The following GJA8 variants were observed in gnomAD, a reference collection of about 807,000 sequenced individuals.
The protein encoded by GJA8 is gap junction protein alpha 8.
A neutral mutation model predicts 15.3 loss-of-function variants in GJA8; 13 were observed. The observed-to-expected ratio is 0.85, with a 90% confidence interval of 0.55 to 1.35. The LOEUF (loss-of-function observed/expected upper bound fraction) is 1.35, where lower values mean the gene tolerates loss of function less well. Ranked by LOEUF, GJA8 falls within the 40% of genes most tolerant of loss-of-function variation. The pLI, the probability that GJA8 is intolerant of heterozygous loss-of-function variation, is 0.00. For missense variants in GJA8, 607 were observed against 553.3 expected, an observed-to-expected ratio of 1.10 and a Z score of -0.97; for synonymous variants, 304 against 238.7, an observed-to-expected ratio of 1.27 and a Z score of -2.52.
At chr1:147,913,160 C>T (rs1201327591), downstream of GJA8, among the ~76,000 whole-genome samples, 1 of 152,162 alleles carries the variant, frequency 6.6e-6, no homozygotes, top group African/African-American at 2.4e-5. Context: ...ATGATAAGTT[C>T]TGCCCCTCCT....
intron 1 of GJA8, among the ~76,000 whole-genome samples, chr1:147,903,613 T>C (rs1238102004): frequency 6.6e-6 from 1 of 152,160 alleles, no homozygotes; most frequent in African/African-American, 2.4e-5. Context: ...TAAGCCCCCA[T>C]CTTGGAGACT....
chr1:147,909,925 T>A (rs782578911), downstream of GJA8, among the ~76,000 whole-genome samples: 1 of 152,168 alleles, frequency 6.6e-6, no homozygotes, highest in African/African-American at 2.4e-5. Context: ...AGTGGCACAA[T>A]CTCAGCTCAC....
downstream of GJA8, among the ~76,000 whole-genome samples, chr1:147,909,469 C>T (rs1553243156): frequency 6.6e-6 from 1 of 152,118 alleles, no homozygotes; most frequent in African/African-American, 2.4e-5. Flanking sequence ...ACCCATCGAC[C>T]CACTAAAGTT....
At chr1:147,909,408 A>G (rs1652005005), downstream of GJA8, 22 of 678,400 alleles carry the variant, frequency 3.2e-5, no homozygotes, top group South Asian at 2.7e-4. Flanking sequence ...CACTCCAGGC[A>G]ACTCTAGGAA....
downstream of GJA8, among the ~76,000 whole-genome samples, chr1:147,913,200 C>A (rs1395193438): frequency 3.3e-5 from 5 of 152,186 alleles, no homozygotes; most frequent in African/African-American, 1.2e-4. Flanking sequence ...TTTTTTAAAG[C>A]TCACTAATTT....
At chr1:147,912,775 T>C (rs1652219890), downstream of GJA8, among the ~76,000 whole-genome samples, 1 of 151,754 alleles carries the variant, frequency 6.6e-6, no homozygotes. Context: ...AATCACTTGA[T>C]AGCAGTTCTA....
chr1:147,906,315 G>T (rs1435200867), intron 1 of GJA8, among the ~76,000 whole-genome samples: 3 of 152,194 alleles, frequency 2.0e-5, no homozygotes, highest in African/African-American at 7.2e-5. Context: ...GTTCTCCATT[G>T]AGGTGGAAGT....
rs782367110 is a variant in GJA8, at chr1:147,909,184, C to T, written c.1229C>T (p.Thr410Ile). The stretch of plus-strand genomic sequence containing the variant: ...CCTTCACTCTGTCCAGAGCTGACAA[C>T]AGATGATGCCAGACCCCTGAGCAGG... ...KTPSLCPELTTDDARPLSRLS... is the reference protein window; with the variant it reads ...KTPSLCPELTIDDARPLSRLS... The change falls in exon 2 of 2, where the codon ACA becomes ATA. Residue 410 changes from threonine (T) to isoleucine (I), a missense_variant. Physicochemically the swap from Thr to Ile is moderately conservative, Grantham distance 89. Transcript: ENST00000369235. 5 of 1,607,278 alleles carry T rather than the reference C, an allele frequency of 3.1e-6. No individual in the cohort carries two copies. The East Asian group carries it at 9.0e-5, about 29-fold the overall frequency.
chr1:147,905,812 C>T (rs1651775510), intron 1 of GJA8, among the ~76,000 whole-genome samples: 1 of 152,208 alleles, frequency 6.6e-6, no homozygotes, highest in South Asian at 2.1e-4. Flanking sequence ...CTGGGTCCTT[C>T]CCCCTCTCCA....
At chr1:147,907,917 G>C in intron 1 of GJA8, 28 bp from the exon 2 acceptor site, 1 of 1,534,654 alleles carries the variant, frequency 6.5e-7, no homozygotes, top group Non-Finnish European at 9.0e-7. Flanking sequence ...CGGCCGCTCA[G>C]CTCTTGCCTT....
At chr1:147,909,801 C>G (rs1279305394), downstream of GJA8, among the ~76,000 whole-genome samples, 2 of 152,196 alleles carry the variant, frequency 1.3e-5, no homozygotes, top group Non-Finnish European at 2.9e-5. Context: ...AGCTGCTGCT[C>G]ACTTCCAGAC....
chr1:147,913,669 T>G (rs964342889), downstream of GJA8, among the ~76,000 whole-genome samples: 1 of 152,154 alleles, frequency 6.6e-6, no homozygotes, highest in Non-Finnish European at 1.5e-5. Context: ...TCATTAGGCG[T>G]GCTCTAAGTA....
At chr1:147,909,707 T>C (rs782517899), downstream of GJA8, among the ~76,000 whole-genome samples, 5 of 152,132 alleles carry the variant, frequency 3.3e-5, no homozygotes, top group Non-Finnish European at 7.4e-5. Flanking sequence ...GCCTACAGAA[T>C]ACAGACAGGT....
At chr1:147,909,407 C>T (rs1652004868), downstream of GJA8, 1 of 684,910 alleles carries the variant, frequency 1.5e-6, no homozygotes, top group Non-Finnish European at 2.6e-6. Context: ...GCACTCCAGG[C>T]AACTCTAGGA....
downstream of GJA8, among the ~76,000 whole-genome samples, chr1:147,911,662 G>C (rs587670995): frequency 6.6e-6 from 1 of 152,352 alleles, no homozygotes; most frequent in East Asian, 1.9e-4. Context: ...GAGAACCAGA[G>C]AGTGCATCCT....
At chr1:147,905,895 T>C (rs1651779156) in intron 1 of GJA8, among the ~76,000 whole-genome samples, 1 of 152,222 alleles carries the variant, frequency 6.6e-6, no homozygotes, top group African/African-American at 2.4e-5. Flanking sequence ...CTGTCACTTT[T>C]TCAGGAGAAG....
downstream of GJA8, among the ~76,000 whole-genome samples, chr1:147,910,201 T>C (rs1036516643): frequency 6.6e-6 from 1 of 152,204 alleles, no homozygotes; most frequent in African/African-American, 2.4e-5. Context: ...AAATTGTTAA[T>C]GTTGGCAACT....
In GJA8 at chr1:147,909,063, G is replaced by T; in HGVS notation, c.1108G>T (p.Glu370Ter). ...EQEKVAVPEGEKVETPGVDKE... is the reference protein window; with the variant it reads ...EQEKVAVPEG ...GGAGAAGGTGGCCGTGCCAGAGGGG[G>T]AGAAAGTAGAGACCCCCGGAGTGGA... The change falls in exon 2 of 2, where the codon GAG (glutamate) becomes TAG (stop). Residue 370 changes from glutamate (E) to a stop codon, truncating the protein, a stop_gained. Transcript: ENST00000369235. LOFTEE classifies it high-confidence loss of function. The T allele has an allele frequency of 2.5e-6, 4 of 1,604,896 alleles. No individual in the cohort carries two copies. Among genetic ancestry groups the T allele is most frequent in the Non-Finnish European group, 3.4e-6 (4 of 1,175,458 alleles).
intron 1 of GJA8, among the ~76,000 whole-genome samples, chr1:147,906,859 C>A (rs1411755307): frequency 6.6e-6 from 1 of 152,284 alleles, no homozygotes; most frequent in East Asian, 1.9e-4. Flanking sequence ...TATTTAGCCT[C>A]TCTGAGCCTC....
Sources: allele counts gnomAD v4.1 joint callset (sites outside exome capture counted in the v4.1 genomes callset), GRCh38; gene constraint gnomAD v4.1.1; transcripts MANE v1.5; gene names NCBI Gene and HGNC (gene_info 2026-07-23, HGNC 2026-07-21).